CAPN5: variants seen among roughly 807,000 people sequenced by gnomAD.
CAPN5 encodes calpain-5.
CAPN5 carries 54 observed loss-of-function variants against 73.0 expected under a neutral mutation model. The ratio of observed to expected loss-of-function variants is 0.74; its 90% CI spans 0.59 to 0.93. The LOEUF is 0.93. Among genes scored for constraint, CAPN5 ranks in the 40% least tolerant of loss-of-function variants. The probability of loss-of-function intolerance (pLI) is 0.00; values close to 1 mark genes in which losing one functional copy is unlikely to be tolerated. For missense variants in CAPN5, 785 were observed against 882.9 expected, an observed-to-expected ratio of 0.89 and a Z score of 1.41; for synonymous variants, 335 against 356.9, an observed-to-expected ratio of 0.94 and a Z score of 0.69.
At chr11:77,095,340 C>A (rs1176950012) in intron 3 of CAPN5, among the ~76,000 whole-genome samples, 1 of 152,180 alleles carries the variant, frequency 6.6e-6, no homozygotes, top group Non-Finnish European at 1.5e-5. Context: ...CCCACCCCCC[C>A]ACTAGATGAG....
intron 6 of CAPN5, 43 bp from the exon 7 acceptor site, chr11:77,116,183 T>C (rs1555041726): frequency 6.4e-7 from 1 of 1,563,658 alleles, no homozygotes; most frequent in Admixed American, 1.8e-5. Flanking sequence ...TGGGGCTGCC[T>C]CTTAGACAGC....
At position 77,110,992 on chromosome 11, in the gene CAPN5, G is replaced by A. The variant is rs113373725; in HGVS notation, c.298-1597G>A. ...ATGGGGCTCAGCTCCACTTGGTCCC[G>A]TGCCCAGCAGGGCCAGGGGTCATTC... On this transcript the variant is annotated intron_variant, in intron 3 of 12. Coordinates refer to ENST00000648180, the MANE Select transcript of CAPN5 (RefSeq NM_004055.5). Among the ~76,000 whole-genome samples the A allele has an allele frequency of 9.5e-3, 1,452 of 152,174 alleles. 26 individuals are homozygous for A. Among genetic ancestry groups the A allele is most frequent in the African/African-American group, 0.033 (1,388 of 41,512 alleles).
rs1037911322 is a variant in CAPN5 at position 77,079,313 on chromosome 11, A to C, written c.-35-5539A>C. ...GTGTTCATAAGGCATATTGGCCTAT[A>C]ATTTTCTTTTCTTGTAGTGTCTTTA... On this transcript the variant is annotated intron_variant, in intron 1 of 12. Transcript: ENST00000648180. Among the ~76,000 whole-genome samples the C allele has an allele frequency of 3.3e-5, 5 of 152,022 alleles. No homozygotes were observed. In the East Asian group the frequency reaches 9.6e-4, roughly 29 times the overall value.
intron 3 of CAPN5, among the ~76,000 whole-genome samples, chr11:77,106,127 G>A (rs948469559): frequency 3.3e-5 from 5 of 152,110 alleles, no homozygotes; most frequent in Non-Finnish European, 7.4e-5. Context: ...AATGAGCCCT[G>A]CTTCAAAATC....
chr11:77,109,050 G>A lies in CAPN5; in HGVS notation c.298-3539G>A, dbSNP rs375312290. On this transcript the variant is annotated intron_variant, in intron 3 of 12. Coordinates refer to ENST00000648180, the MANE Select transcript of CAPN5 (RefSeq NM_004055.5). ...TGTCCCCTGCGTTTCTGTAACCTGGGACTTAGCTCCAGAAGCTCATACGGT... is the reference window on the plus strand; with the variant it reads ...TGTCCCCTGCGTTTCTGTAACCTGGAACTTAGCTCCAGAAGCTCATACGGT... Among the ~76,000 whole-genome samples the A allele has an allele frequency of 7.9e-5, 12 of 152,294 alleles. No homozygotes were observed. The East Asian group carries it at 1.9e-3, about 24-fold the overall frequency.
intron 1 of CAPN5, among the ~76,000 whole-genome samples, chr11:77,082,327 G>A (rs1446822376): frequency 6.6e-6 from 1 of 152,118 alleles, no homozygotes; most frequent in East Asian, 1.9e-4. Context: ...GGTCCTGCTC[G>A]GCCCAAACAG....
intron 10 of CAPN5, 144 bp downstream of exon 10, chr11:77,121,053 C>T: frequency 6.9e-6 from 5 of 720,474 alleles, no homozygotes; most frequent in Non-Finnish European, 1.1e-5. Flanking sequence ...TCCTTCCCTT[C>T]TCTTCCCTTG....
intron 3 of CAPN5, among the ~76,000 whole-genome samples, 175 bp downstream of exon 3, chr11:77,093,988 T>C (rs1950182281): frequency 6.6e-6 from 1 of 152,222 alleles, no homozygotes; most frequent in African/African-American, 2.4e-5. Flanking sequence ...TCCCTCACCC[T>C]TCAGCTGGGC....
At chr11:77,096,409 CG>C (rs1258897277) in intron 3 of CAPN5, among the ~76,000 whole-genome samples, 1 of 152,134 alleles carries the variant, frequency 6.6e-6, no homozygotes, top group East Asian at 1.9e-4. Context: ...TTAAAGGGGC[CG>C]GAGGAAGGCA....
At chr11:77,097,489 T>TTA (rs869143993) in intron 3 of CAPN5, among the ~76,000 whole-genome samples, 4 of 135,334 alleles carry the variant, frequency 3.0e-5, no homozygotes, top group Admixed American at 7.8e-5. Context: ...TTTTTTTTTT[T>TTA]ATTGATAATT....
intron 3 of CAPN5, among the ~76,000 whole-genome samples, chr11:77,099,388 G>T: frequency 2.2e-5 from 3 of 138,330 alleles, no homozygotes; most frequent in South Asian, 5.2e-4. Flanking sequence ...CGGCTGGGAG[G>T]TGTAGGTTGT....
intron 9 of CAPN5, chr11:77,120,147 A>C (rs1022186051): frequency 6.6e-6 from 1 of 152,306 alleles, no homozygotes; most frequent in Non-Finnish European, 1.5e-5. Flanking sequence ...TCCTGGACTC[A>C]AACGATCCTC....
At chr11:77,093,401 G>A (rs782031663) in intron 2 of CAPN5, among the ~76,000 whole-genome samples, 7 of 152,196 alleles carry the variant, frequency 4.6e-5, no homozygotes, top group East Asian at 1.9e-4. Flanking sequence ...GCGCTCTGAC[G>A]TCTTCCCACA....
At chr11:77,090,760 T>A (rs1264770479) in intron 2 of CAPN5, among the ~76,000 whole-genome samples, 1 of 152,188 alleles carries the variant, frequency 6.6e-6, no homozygotes, top group East Asian at 1.9e-4. Context: ...CCCTCTCCCT[T>A]CCCGGTCTTG....
intron 10 of CAPN5, 145 bp from the exon 11 acceptor site, chr11:77,121,789 C>T: frequency 1.8e-6 from 1 of 550,016 alleles, no homozygotes; most frequent in East Asian, 3.2e-5. Context: ...TGGGGACTGC[C>T]CATGGGGATT....
chr11:77,085,126 C>CGG, intron 2 of CAPN5, 75 bp downstream of exon 2: 1 of 1,360,568 alleles, frequency 7.3e-7, no homozygotes, highest in Non-Finnish European at 1.0e-6. Flanking sequence ...GCAGGGACAT[C>CGG]GGGGTGGTGG....
intron 12 of CAPN5, 109 bp from the exon 13 acceptor site, chr11:77,123,578 GC>G: frequency 2.2e-6 from 2 of 909,646 alleles, no homozygotes; most frequent in South Asian, 1.6e-5. Context: ...CCGATCCTCA[GC>G]CAGGCTTGCA....
intron 1 of CAPN5, among the ~76,000 whole-genome samples, chr11:77,074,175 C>CT (rs1949942760): frequency 6.6e-6 from 1 of 152,224 alleles, no homozygotes. Context: ...AGTTTCTGCC[C>CT]TTTCTAGTCC....
intron 3 of CAPN5, among the ~76,000 whole-genome samples, chr11:77,110,736 A>G (rs868960820): frequency 2.0e-5 from 3 of 152,238 alleles, no homozygotes; most frequent in Non-Finnish European, 4.4e-5. Context: ...TTGGTCTCAC[A>G]TGTCCCATTA....
Sources: gnomAD v4.1 joint callset for allele counts (sites outside exome capture counted in the v4.1 genomes callset) on GRCh38, gnomAD v4.1.1 for gene constraint, MANE v1.5 for transcripts, NCBI Gene and HGNC (gene_info 2026-07-23, HGNC 2026-07-21) for gene names.